Variants in KIAA0040 observed in about 807,000 individuals in gnomAD.
KIAA0040 encodes the protein KIAA0040, also known as uncharacterized protein KIAA0040.
KIAA0040 carries 10 observed loss-of-function variants against 7.2 expected under a neutral mutation model. The observed-to-expected ratio is 1.38, with a 90% confidence interval of 0.85 to 2.34. The LOEUF is 2.34. Among genes scored for constraint, KIAA0040 ranks in the 30% most tolerant of loss-of-function variants. KIAA0040 has a pLI of 0.00. For synonymous variants in KIAA0040, 49 were observed against 40.1 expected (o/e 1.22, Z -0.84); for missense variants, 89 against 108.2 (o/e 0.82, Z 0.79).
intron 2 of KIAA0040, chr1:175,176,401 T>G (rs1199934595): frequency 1.3e-5 from 2 of 152,200 alleles, no homozygotes; most frequent in Non-Finnish European, 2.9e-5. Context: ...ATAACTCACC[T>G]CTGTGGAATG....
chr1:175,189,616 G>A (rs561648688), intron 1 of KIAA0040, among the ~76,000 whole-genome samples: 12 of 152,294 alleles, frequency 7.9e-5, no homozygotes, highest in Admixed American at 2.0e-4. Context: ...TAGGAAAGCT[G>A]CAAGTCTGGG....
intron 2 of KIAA0040, among the ~76,000 whole-genome samples, chr1:175,168,187 C>T (rs955754843): frequency 6.6e-6 from 1 of 152,184 alleles, no homozygotes; most frequent in Non-Finnish European, 1.5e-5. Flanking sequence ...CCTTGCTAAC[C>T]TGGCATGCTC....
intron 2 of KIAA0040, among the ~76,000 whole-genome samples, chr1:175,173,888 C>G (rs1677081718): frequency 6.6e-6 from 1 of 152,224 alleles, no homozygotes; most frequent in South Asian, 2.1e-4. Context: ...GGCACTTTTA[C>G]TTTGTATTAT....
At position 175,160,850 on chromosome 1, in the gene KIAA0040, G is replaced by A. The variant is rs1381871895; in HGVS notation, c.164C>T (p.Pro55Leu). 1 of 1,551,260 alleles carries A rather than the reference G, an allele frequency of 6.4e-7. No homozygotes were observed. Among genetic ancestry groups the A allele is most frequent in the Non-Finnish European group, 8.7e-7 (1 of 1,146,966 alleles). Residue 55 changes from proline (P) to leucine (L), a missense_variant, in exon 4 of 4, where the codon CCA (proline) becomes CTA (leucine). Transcript: ENST00000423313. ...CTCTGGCTGCTGGCCCCTCTTGCCT[G>A]GTGGGCTCCAGCAGCAATGGCAACA... ...FICCHCCWSPPGKRGQQPEKN... is the reference protein window; with the variant it reads ...FICCHCCWSPLGKRGQQPEKN...
intron 2 of KIAA0040, among the ~76,000 whole-genome samples, chr1:175,175,285 T>C (rs1239609587): frequency 2.0e-5 from 3 of 152,048 alleles, no homozygotes; most frequent in African/African-American, 4.8e-5. Flanking sequence ...ATGCTCATCA[T>C]CACTGGCCAT....
intron 2 of KIAA0040, chr1:175,176,496 T>C (rs1306664433): frequency 6.6e-6 from 1 of 152,166 alleles, no homozygotes; most frequent in Non-Finnish European, 1.5e-5. Context: ...AGTTCATATG[T>C]CTGAGGATAA....
chr1:175,184,199 G>A (rs915758573), intron 1 of KIAA0040, among the ~76,000 whole-genome samples: 1 of 152,136 alleles, frequency 6.6e-6, no homozygotes, highest in Non-Finnish European at 1.5e-5. Context: ...GAGATGAATT[G>A]GCAAAGATAC....
intron 2 of KIAA0040, among the ~76,000 whole-genome samples, chr1:175,169,057 G>A (rs889771604): frequency 6.6e-6 from 1 of 152,228 alleles, no homozygotes; most frequent in African/African-American, 2.4e-5. Context: ...AGTGAAAAAT[G>A]AAATGAGTTA....
rs1231976134 is a variant in KIAA0040 at position 175,160,695 on chromosome 1, AC to A, written c.*18del. On this transcript the variant is annotated 3_prime_UTR_variant, in exon 4 of 4. Transcript: ENST00000423313. Reference sequence around the variant, plus strand: ...GGAGGCTTAGCCCCAGAAAGGAAACACCTCTGCTTCCTGCCTAACTAAACAG... The same window carrying A: ...GGAGGCTTAGCCCCAGAAAGGAAACACTCTGCTTCCTGCCTAACTAAACAG... The A allele has an allele frequency of 6.5e-7, 1 of 1,529,182 alleles. No homozygotes were observed. The highest frequency in any genetic ancestry group is 2.1e-5 in the Admixed American group (1 of 47,328). 94.7% of individuals were successfully genotyped at this position (1,529,182 alleles called of 1,614,324 possible). A position where few individuals can be genotyped will look rare whatever the true frequency, so the allele number is the denominator to read the frequency against.
chr1:175,190,029 T>A (rs1571221947), intron 1 of KIAA0040, among the ~76,000 whole-genome samples: 1 of 152,186 alleles, frequency 6.6e-6, no homozygotes, highest in South Asian at 2.1e-4. Context: ...GAGTAGGTCA[T>A]CCTTCTTGTT....
intron 1 of KIAA0040, among the ~76,000 whole-genome samples, chr1:175,189,473 G>A (rs1213393557): frequency 6.6e-6 from 1 of 152,178 alleles, no homozygotes; most frequent in African/African-American, 2.4e-5. Flanking sequence ...ACCTGCACAA[G>A]CAATAGCAGA....
In KIAA0040 at chr1:175,159,990, C is replaced by T. The variant is rs771593566; in HGVS notation, c.*724G>A. 1 of 153,630 alleles carries T rather than the reference C, an allele frequency of 6.5e-6. No individual in the cohort carries two copies. The highest frequency in any genetic ancestry group is 1.9e-4 in the East Asian group (1 of 5,190). 9.5% of individuals were successfully genotyped at this position (153,630 alleles called of 1,614,324 possible). Reference sequence around the variant, plus strand: ...TTTCAATGAATTTTGAACCATCACACTTTAAACATCTTGGCACAGGTGAGG... The same window carrying T: ...TTTCAATGAATTTTGAACCATCACATTTTAAACATCTTGGCACAGGTGAGG... On this transcript the variant is annotated 3_prime_UTR_variant, in exon 4 of 4. Transcript: ENST00000423313.
At position 175,157,522 on chromosome 1, in the gene KIAA0040, C is replaced by T. The variant is rs1197908902; in HGVS notation, c.*3192G>A. Reference sequence around the variant, plus strand: ...TAATGTTAAGAGAGTAACCATCTGACTACATCAAGACTTTTCATTTTCAAA... The same window carrying T: ...TAATGTTAAGAGAGTAACCATCTGATTACATCAAGACTTTTCATTTTCAAA... On this transcript the variant is annotated 3_prime_UTR_variant, in exon 4 of 4. Coordinates refer to ENST00000423313, the MANE Select transcript of KIAA0040 (RefSeq NM_014656.3). The T allele has an allele frequency of 2.0e-5, 3 of 152,136 alleles. No homozygotes were observed. The highest frequency in any genetic ancestry group is 4.4e-5 in the Non-Finnish European group (3 of 68,044). The allele number at this position is 152,136 out of a possible 1,614,324, so 9.4% of individuals were successfully genotyped here.
At chr1:175,176,152 G>A (rs1331327601) in intron 2 of KIAA0040, among the ~76,000 whole-genome samples, 1 of 152,200 alleles carries the variant, frequency 6.6e-6, no homozygotes, top group Non-Finnish European at 1.5e-5. Flanking sequence ...TAGTGGTGGT[G>A]GGGGAGACAT....
At chr1:175,184,222 C>T (rs1052746201) in intron 1 of KIAA0040, among the ~76,000 whole-genome samples, 10 of 152,162 alleles carry the variant, frequency 6.6e-5, no homozygotes, top group Non-Finnish European at 1.3e-4. Context: ...TATAGCCATA[C>T]GCTAGGAGTC....
chr1:175,170,159 G>T (rs12760073), intron 2 of KIAA0040, among the ~76,000 whole-genome samples: 59,878 of 152,054 alleles, frequency 0.39, 12,215 homozygotes, highest in Non-Finnish European at 0.45. Flanking sequence ...AACATTAAGG[G>T]TGAGGGCTCT....
At chr1:175,161,187 G>A in intron 3 of KIAA0040, 41 bp from the exon 4 acceptor site, 2 of 563,068 alleles carry the variant, frequency 3.6e-6, no homozygotes, top group Non-Finnish European at 6.2e-6. Flanking sequence ...AAATGCAGGG[G>A]GACTGGTCTA....
chr1:175,184,644 C>T (rs1327408712), intron 1 of KIAA0040, among the ~76,000 whole-genome samples: 2 of 152,188 alleles, frequency 1.3e-5, no homozygotes, highest in African/African-American at 4.8e-5. Context: ...TAATAAGTGG[C>T]AACTGTGTGC....
Position 175,160,639 on chromosome 1 carries a change from G to A in KIAA0040, c.*75C>T, listed in dbSNP as rs571077118. On this transcript the variant is annotated 3_prime_UTR_variant, in exon 4 of 4. Coordinates refer to ENST00000423313, the MANE Select transcript of KIAA0040 (RefSeq NM_014656.3). ...ACATGGACATAGTGCATTATTTCAG[G>A]GGTTCCTGAAATGTCTGTGTGTGGT... The A allele has an allele frequency of 7.5e-7, 1 of 1,330,456 alleles. No homozygotes were observed. The highest frequency in any genetic ancestry group is 2.7e-5 in the Admixed American group (1 of 36,800). The allele number at this position is 1,330,456 out of a possible 1,614,324, so 82.4% of individuals were successfully genotyped here. A position where few individuals can be genotyped will look rare whatever the true frequency, so the allele number is the denominator to read the frequency against.
Sources: gnomAD v4.1 joint callset for allele counts (sites outside exome capture counted in the v4.1 genomes callset) on GRCh38, gnomAD v4.1.1 for gene constraint, MANE v1.5 for transcripts, NCBI Gene and HGNC (gene_info 2026-07-23, HGNC 2026-07-21) for gene names.